Variants in THY1 observed in about 807,000 individuals in gnomAD.
THY1 encodes thy-1 membrane glycoprotein.
Under a neutral mutation model 14.9 loss-of-function variants are expected in THY1, and 10 were observed. The ratio of observed to expected loss-of-function variants is 0.67; its 90% CI spans 0.41 to 1.14. THY1 has a LOEUF of 1.14. Among genes scored for constraint, THY1 ranks in the 50% most tolerant of loss-of-function variants. THY1 has a pLI of 0.00. For missense variants in THY1, 159 were observed against 202.1 expected (o/e 0.79, Z 1.29); for synonymous variants, 80 against 90.0 (o/e 0.89, Z 0.63).
Position 119,420,884 on chromosome 11 carries a change from C to T in THY1, c.22G>A (p.Ala8Thr), listed in dbSNP as rs149084200. The T allele has an allele frequency of 9.2e-5, 149 of 1,614,042 alleles. No homozygotes were observed. In the East Asian group the frequency reaches 2.8e-3, roughly 31 times the overall value. Residue 8 changes from alanine (A) to threonine (T), a missense_variant, in exon 2 of 4, where the codon GCT (alanine) becomes ACT (threonine). Coordinates refer to ENST00000284240, the MANE Select transcript of THY1 (RefSeq NM_006288.5). MNLAISIALLLTVLQVSR... is the reference protein window; with the variant it reads MNLAISITLLLTVLQVSR... ...TGCCGGGTACCTGTTAGCAGGAGAG[C>T]GATGCTGATGGCCAGGTTCATGGTT... is the stretch of plus-strand genomic sequence containing the variant.
chr11:119,420,748 G>T, intron 2 of THY1, 121 bp downstream of exon 2: 2 of 1,253,518 alleles, frequency 1.6e-6, no homozygotes, highest in Non-Finnish European at 1.1e-6. Flanking sequence ...CTGACTTCAG[G>T]ATGAAAAAGA....
At chr11:119,423,591 T>TCAGCTGGAGCCCACCTCCTC (rs1861958435), upstream of THY1, 1 of 205,538 alleles carries the variant, frequency 4.9e-6, no homozygotes, top group Admixed American at 5.4e-5. Flanking sequence ...CATTTCCTTT[T>TCAGCTGGAGCCCACCTCCTC]CAGCTGGAGC....
rs1347850581 is a variant in THY1, at chr11:119,423,160, G to A, written c.-72C>T. On this transcript the variant is annotated 5_prime_UTR_variant, in exon 1 of 4. Coordinates refer to ENST00000284240, the MANE Select transcript of THY1 (RefSeq NM_006288.5). The stretch of plus-strand genomic sequence containing the variant: ...TGCAGCCTCCTCCAGACGCGCCGCC[G>A]CCTCCGGTTGCTGCACCCAGCTCGG... The A allele has an allele frequency of 6.6e-6, 3 of 455,616 alleles. No homozygotes were observed. The highest frequency in any genetic ancestry group is 1.5e-5 in the South Asian group (1 of 64,524). 28.2% of individuals were successfully genotyped at this position (455,616 alleles called of 1,614,324 possible).
rs1404355155 is a variant in THY1 at position 119,415,533 on chromosome 11, G to C, written c.*3875C>G. Among the ~76,000 whole-genome samples, 1 of 152,180 alleles carries C rather than the reference G, an allele frequency of 6.6e-6. No individual in the cohort carries two copies. Among genetic ancestry groups the C allele is most frequent in the Non-Finnish European group, 1.5e-5 (1 of 68,036 alleles). On this transcript the variant is annotated 3_prime_UTR_variant, in exon 4 of 4. Transcript: ENST00000284240. ...AAACTTGACAGGTGGCCTCCACCTG[G>C]CCACGCCACTGCCAGGCACTCCCCG... is the stretch of plus-strand genomic sequence containing the variant.
rs1464155195 is a variant in THY1 at position 119,420,970 on chromosome 11, C to G, written c.-24-41G>C. ...GATGGGAATCAGCCAAGCTGTGCCACACTTACCACCAGGGCTGGGGGTCCC... is the reference window on the plus strand; with the variant it reads ...GATGGGAATCAGCCAAGCTGTGCCAGACTTACCACCAGGGCTGGGGGTCCC... On this transcript the variant is annotated intron_variant, in intron 1 of 3. Transcript: ENST00000284240. 1.9e-6 allele frequency: 3 copies of G among 1,604,284 alleles called. No individual in the cohort carries two copies. In the African/African-American group the frequency reaches 4.0e-5, roughly 21 times the overall value.
rs1861764300 is a variant in THY1 at position 119,415,867 on chromosome 11, A to T, written c.*3541T>A. Among the ~76,000 whole-genome samples, 1 of 152,204 alleles carries T rather than the reference A, an allele frequency of 6.6e-6. No homozygotes were observed. On this transcript the variant is annotated 3_prime_UTR_variant, in exon 4 of 4. Coordinates refer to ENST00000284240, the MANE Select transcript of THY1 (RefSeq NM_006288.5). Reference sequence around the variant, plus strand: ...TGGCCAGGACTCTCTGAAGGACTCCAGCTCCAACATTTTCTCACTAGTAAA... The same window carrying T: ...TGGCCAGGACTCTCTGAAGGACTCCTGCTCCAACATTTTCTCACTAGTAAA...
Position 119,415,954 on chromosome 11 carries a change from C to T in THY1, c.*3454G>A, listed in dbSNP as rs545084237. Among the ~76,000 whole-genome samples the T allele has an allele frequency of 5.3e-5, 8 of 152,268 alleles. No individual in the cohort carries two copies. The South Asian group carries it at 1.5e-3, about 28-fold the overall frequency. ...CACATGTAAAGACACCTTCACAGCACGAAAGCTGCAGATTCAGAGAGGGAC... is the reference window on the plus strand; with the variant it reads ...CACATGTAAAGACACCTTCACAGCATGAAAGCTGCAGATTCAGAGAGGGAC... On this transcript the variant is annotated 3_prime_UTR_variant, in exon 4 of 4. Coordinates refer to ENST00000284240, the MANE Select transcript of THY1 (RefSeq NM_006288.5).
Position 119,420,188 on chromosome 11 carries a change from T to C in THY1, c.236A>G (p.Asn79Ser). Residue 79 changes from asparagine (N) to serine (S), a missense_variant, in exon 3 of 4, where the codon AAC becomes AGC. Transcript: ENST00000284240. ...VPEHTYRSRT[N>S]FTSKYNMKVL... is the part of the protein sequence containing the mutation. ...CTTCATGTTGTATTTGCTGGTGAAGTTGGTTCGGGAGCGGTATGTGTGCTC... is the reference window on the plus strand; with the variant it reads ...CTTCATGTTGTATTTGCTGGTGAAGCTGGTTCGGGAGCGGTATGTGTGCTC... 1 of 1,614,230 alleles carries C rather than the reference T, an allele frequency of 6.2e-7. No individual in the cohort carries two copies. Among genetic ancestry groups the C allele is most frequent in the Non-Finnish European group, 8.5e-7 (1 of 1,180,040 alleles).
chr11:119,424,663 C>T (rs1253968770), upstream of THY1, among the ~76,000 whole-genome samples: 6 of 152,062 alleles, frequency 3.9e-5, no homozygotes, highest in Admixed American at 3.9e-4. Context: ...CTGGCCTTGC[C>T]CACCTAGGAC....
In THY1 at chr11:119,415,582, C is replaced by G. The variant is rs1340271128; in HGVS notation, c.*3826G>C. Among the ~76,000 whole-genome samples, 1 of 152,240 alleles carries G rather than the reference C, an allele frequency of 6.6e-6. No individual in the cohort carries two copies. Among genetic ancestry groups the G allele is most frequent in the Non-Finnish European group, 1.5e-5 (1 of 68,046 alleles). ...CGCCTGCACTGCTGGGCACCTCCAG[C>G]CATCACAGCCCCTTCCTGGTGCAGA... On this transcript the variant is annotated 3_prime_UTR_variant, in exon 4 of 4. Transcript: ENST00000284240.
rs1861770937 is a variant in THY1 at position 119,416,154 on chromosome 11, G to A, written c.*3254C>T. The stretch of plus-strand genomic sequence containing the variant: ...GCGTCTCAGTGGACAATCCAGTCCA[G>A]AAATGGGGGTGCAGAGAGGGGCTTC... On this transcript the variant is annotated 3_prime_UTR_variant, in exon 4 of 4. Coordinates refer to ENST00000284240, the MANE Select transcript of THY1 (RefSeq NM_006288.5). 6.6e-6 allele frequency among the ~76,000 whole-genome samples: 1 copy of A among 152,222 alleles called. No homozygotes were observed. The highest frequency in any genetic ancestry group is 6.5e-5 in the Admixed American group (1 of 15,292).
At position 119,416,318 on chromosome 11, in the gene THY1, G is replaced by A. The variant is rs1236066826; in HGVS notation, c.*3090C>T. ...GCATGTGTACAGGAACCAGGGCTGG[G>A]GGCCAGCCCTCTATAATTACCTGAG... On this transcript the variant is annotated 3_prime_UTR_variant, in exon 4 of 4. Coordinates refer to ENST00000284240, the MANE Select transcript of THY1 (RefSeq NM_006288.5). Among the ~76,000 whole-genome samples the A allele has an allele frequency of 7.2e-5, 11 of 152,078 alleles. No homozygotes were observed. The highest frequency in any genetic ancestry group is 1.5e-4 in the Non-Finnish European group (10 of 68,010).
At position 119,417,459 on chromosome 11, in the gene THY1, T is replaced by C. The variant is rs1861799943; in HGVS notation, c.*1949A>G. ...GCTAAATATCAGATGAGTCAGCCTC[T>C]GGGCAGCTGTCACCTTCCTCCCCCA... On this transcript the variant is annotated 3_prime_UTR_variant, in exon 4 of 4. Transcript: ENST00000284240. 1 of 152,204 alleles carries C rather than the reference T, an allele frequency of 6.6e-6. No homozygotes were observed. The highest frequency in any genetic ancestry group is 1.9e-4 in the East Asian group (1 of 5,202). The allele number at this position is 152,204 out of a possible 1,614,324, so 9.4% of individuals were successfully genotyped here. A position where few individuals can be genotyped will look rare whatever the true frequency, so the allele number is the denominator to read the frequency against.
In THY1 at chr11:119,422,223, C is replaced by A. The variant is rs1389053389; in HGVS notation, c.-25+890G>T. The stretch of plus-strand genomic sequence containing the variant: ...ATGCTCTCTCTGTCCCGGGGTGGAG[C>A]TGCTGCCCTGAGCCAGATCCAGGAG... On this transcript the variant is annotated intron_variant, in intron 1 of 3. Transcript: ENST00000284240. This position sits in a 1 kb window ranked among gnomAD's most constrained non-coding sequence, Gnocchi z 7.0. 6.6e-6 allele frequency: 1 copy of A among 152,506 alleles called. No homozygotes were observed. 9.4% of individuals were successfully genotyped at this position (152,506 alleles called of 1,614,324 possible). A position where few individuals can be genotyped will look rare whatever the true frequency, so the allele number is the denominator to read the frequency against.
rs1861777734 is a variant in THY1, at chr11:119,416,372, A to G, written c.*3036T>C. On this transcript the variant is annotated 3_prime_UTR_variant, in exon 4 of 4. Coordinates refer to ENST00000284240, the MANE Select transcript of THY1 (RefSeq NM_006288.5). ...CCACAGATACCCCACAGCCTCCACAAGGCCTGCTGACTTGACCAGGGAGGG... is the reference window on the plus strand; with the variant it reads ...CCACAGATACCCCACAGCCTCCACAGGGCCTGCTGACTTGACCAGGGAGGG... Among the ~76,000 whole-genome samples the G allele has an allele frequency of 6.6e-6, 1 of 152,230 alleles. No individual in the cohort carries two copies. The highest frequency in any genetic ancestry group is 2.4e-5 in the African/African-American group (1 of 41,462).
rs1020409613 is a variant in THY1, at chr11:119,422,537, G to A, written c.-25+576C>T. 2.4e-5 allele frequency: 4 copies of A among 168,668 alleles called. No individual in the cohort carries two copies. Among genetic ancestry groups the A allele is most frequent in the Non-Finnish European group, 3.8e-5 (3 of 79,186 alleles). The allele number at this position is 168,668 out of a possible 1,614,324, so 10.4% of individuals were successfully genotyped here. ...CGGGCCTCATCCTTAATCCATTTCC[G>A]TATTCCAATCCTCTCCTTTCCCAAA... On this transcript the variant is annotated intron_variant, in intron 1 of 3. Transcript: ENST00000284240. This position sits in a 1 kb window ranked among gnomAD's most constrained non-coding sequence, Gnocchi z 7.0.
At position 119,422,890 on chromosome 11, in the gene THY1, C is replaced by T. The variant is rs1308763714; in HGVS notation, c.-25+223G>A. Among the ~76,000 whole-genome samples the T allele has an allele frequency of 6.6e-6, 1 of 152,246 alleles. No homozygotes were observed. Among genetic ancestry groups the T allele is most frequent in the African/African-American group, 2.4e-5 (1 of 41,478 alleles). On this transcript the variant is annotated intron_variant, in intron 1 of 3. Transcript: ENST00000284240. This position sits in a 1 kb window ranked among gnomAD's most constrained non-coding sequence, Gnocchi z 7.0. ...CACCAGTCCCCCAGCGGGCGAAAGC[C>T]CGGGAGCGCCTTCCCCGAAAGACAT...
At chr11:119,423,508 A>C, upstream of THY1, 1 of 310,856 alleles carries the variant, frequency 3.2e-6, no homozygotes, top group Non-Finnish European at 6.3e-6. Flanking sequence ...CTTCTGACCT[A>C]TTCTTCAGGA....
In THY1 at chr11:119,416,850, G is replaced by A; in HGVS notation, c.*2558C>T. 6.6e-6 allele frequency among the ~76,000 whole-genome samples: 1 copy of A among 152,144 alleles called. No homozygotes were observed. Among genetic ancestry groups the A allele is most frequent in the East Asian group, 1.9e-4 (1 of 5,188 alleles). On this transcript the variant is annotated 3_prime_UTR_variant, in exon 4 of 4. Transcript: ENST00000284240. ...TCTGGTGGCCTCTGTGGCTTCTTGA[G>A]CTAATCTCACCCACTGTGGGCCTCA...
Sources: allele counts gnomAD v4.1 joint callset (sites outside exome capture counted in the v4.1 genomes callset), GRCh38; gene constraint gnomAD v4.1.1; non-coding constraint Gnocchi (gnomAD v3.1); transcripts MANE v1.5; gene names NCBI Gene and HGNC (gene_info 2026-07-23, HGNC 2026-07-21).